The following GAK variants were observed in gnomAD, a reference collection of about 807,000 sequenced individuals.
The protein encoded by GAK is cyclin-G-associated kinase.
A neutral mutation model predicts 143.9 loss-of-function variants in GAK; 79 were observed. The observed-to-expected ratio is 0.55, with a 90% CI of 0.46 to 0.66. GAK has a LOEUF of 0.66. Ranked by LOEUF, GAK falls within the 30% of genes least tolerant of loss-of-function variation. The pLI is 0.00. For synonymous variants in GAK, 881 were observed against 765.5 expected (o/e 1.15, Z -2.49); for missense variants, 1,693 against 1,779.7 (o/e 0.95, Z 0.88).
Position 911,800 on chromosome 4 carries a change from T to C in GAK, c.268-13A>G. 6.3e-7 allele frequency: 1 copy of C among 1,599,504 alleles called. No homozygotes were observed. The highest frequency in any genetic ancestry group is 8.6e-7 in the Non-Finnish European group (1 of 1,166,840). On this transcript the variant is annotated splice_polypyrimidine_tract_variant and intron_variant, in intron 3 of 27. Coordinates refer to ENST00000314167, the MANE Select transcript of GAK (RefSeq NM_005255.4). ...CGGAAAGCTTTTTCTGCAGTTGTCT[T>C]GTTAAAGGAGAACGTACATAACCAT...
chr4:893,254 C>G, intron 9 of GAK, 123 bp downstream of exon 9: 1 of 641,182 alleles, frequency 1.6e-6, no homozygotes. Flanking sequence ...CGTGTGCCTC[C>G]CTCCCTTCTG....
chr4:922,403 TACTCAGGAA>T (rs923985339), intron 1 of GAK, among the ~76,000 whole-genome samples: 6 of 150,284 alleles, frequency 4.0e-5, no homozygotes, highest in Non-Finnish European at 8.8e-5. Flanking sequence ...TAGTCCCAGC[TACTCAGGAA>T]ACTGAGGCAA....
chr4:885,526 G>A (rs972501193), intron 11 of GAK, among the ~76,000 whole-genome samples: 1 of 152,176 alleles, frequency 6.6e-6, no homozygotes, highest in Admixed American at 6.5e-5. Flanking sequence ...GCCCTGCGGG[G>A]GCCCCATGGA....
chr4:898,735 C>T (rs1218954315), intron 5 of GAK, among the ~76,000 whole-genome samples: 2 of 152,050 alleles, frequency 1.3e-5, no homozygotes, highest in Admixed American at 6.6e-5. Context: ...TGGTGGCGGG[C>T]GCCTGTAGTC....
At chr4:908,886 G>GT (rs1047188899) in intron 4 of GAK, among the ~76,000 whole-genome samples, 2 of 151,922 alleles carry the variant, frequency 1.3e-5, no homozygotes, top group East Asian at 1.9e-4. Flanking sequence ...GTTGTTGTTG[G>GT]TTTTTTTTGA....
intron 24 of GAK, chr4:853,278 A>G (rs1359319675): frequency 6.6e-6 from 1 of 152,298 alleles, no homozygotes; most frequent in Non-Finnish European, 1.5e-5. Flanking sequence ...GTTCACCTGT[A>G]GGACACCTGG....
chr4:853,232 G>A (rs1317940901), intron 24 of GAK: 1 of 152,320 alleles, frequency 6.6e-6, no homozygotes, highest in Non-Finnish European at 1.5e-5. Context: ...TCCCTGCCAA[G>A]GGCCATCTCG....
chr4:859,442 C>A, intron 24 of GAK, 164 bp downstream of exon 24: 1 of 1,585,872 alleles, frequency 6.3e-7, no homozygotes, highest in Middle Eastern at 1.7e-4. Flanking sequence ...TCGCCTGGAA[C>A]AGGTGCAGAC....
intron 7 of GAK, among the ~76,000 whole-genome samples, chr4:895,216 T>G (rs770244601): frequency 5.9e-5 from 9 of 152,170 alleles, no homozygotes; most frequent in Non-Finnish European, 8.8e-5. Flanking sequence ...GGAAGCAGCC[T>G]CCTCAGTCTG....
chr4:897,423 A>G (rs1719011246), intron 6 of GAK, among the ~76,000 whole-genome samples: 1 of 152,180 alleles, frequency 6.6e-6, no homozygotes, highest in Non-Finnish European at 1.5e-5. Context: ...ACACAAGAGC[A>G]AGAAGGCCCA....
At chr4:903,810 G>C (rs1052842487) in intron 5 of GAK, among the ~76,000 whole-genome samples, 1 of 152,102 alleles carries the variant, frequency 6.6e-6, no homozygotes, top group African/African-American at 2.4e-5. Flanking sequence ...GGAAACTGGA[G>C]TGAGCAAGCA....
intron 6 of GAK, 82 bp from the exon 7 acceptor site, chr4:896,631 T>C (rs1718824385): frequency 3.7e-6 from 4 of 1,080,256 alleles, no homozygotes; most frequent in Non-Finnish European, 5.6e-6. Flanking sequence ...CGTGCAGCTT[T>C]CCAAATGCAC....
At chr4:861,935 T>C (rs1750350836) in intron 23 of GAK, among the ~76,000 whole-genome samples, 2 of 152,216 alleles carry the variant, frequency 1.3e-5, no homozygotes, top group African/African-American at 4.8e-5. Context: ...AGAAGAAAAG[T>C]GAAGCCAGCA....
chr4:897,778 G>A (rs1043480872), intron 6 of GAK, among the ~76,000 whole-genome samples: 1 of 152,162 alleles, frequency 6.6e-6, no homozygotes, highest in Admixed American at 6.5e-5. Flanking sequence ...GTGAAACCCC[G>A]TCCCTACCAA....
chr4:854,079 T>A (rs1748695912), intron 24 of GAK, among the ~76,000 whole-genome samples: 1 of 151,894 alleles, frequency 6.6e-6, no homozygotes, highest in Non-Finnish European at 1.5e-5. Context: ...ATTACAGGCA[T>A]GAGCCACCAT....
intron 1 of GAK, among the ~76,000 whole-genome samples, chr4:924,570 G>A (rs899385): frequency 0.049 from 7,504 of 152,272 alleles, 294 homozygotes; most frequent in Non-Finnish European, 0.078. Context: ...CAGCGGACAC[G>A]GTTTGGATCT....
At position 932,047 on chromosome 4, in the gene GAK, G is replaced by A. The variant is rs1725965277; in HGVS notation, c.141C>T (p.Ala47=). The A allele has an allele frequency of 6.3e-7, 1 of 1,584,640 alleles. No homozygotes were observed. Among genetic ancestry groups the A allele is most frequent in the Non-Finnish European group, 8.6e-7 (1 of 1,166,916 alleles). Residue 47 remains alanine, a synonymous_variant, in exon 1 of 28, where the codon GCC becomes GCT. Coordinates refer to ENST00000314167, the MANE Select transcript of GAK (RefSeq NM_005255.4). The surrounding 1 kb of genome is among the most constrained non-coding windows in gnomAD (Gnocchi z 4.0). ...ELRLRVRRVL[A]EGGFAFVYEA... ...GCTGCCGACCCGGGGCCTCACCTTCGGCCAGGACCCGCCGCACCCGCAGCC... is the reference window on the plus strand; with the variant it reads ...GCTGCCGACCCGGGGCCTCACCTTCAGCCAGGACCCGCCGCACCCGCAGCC...
chr4:904,435 G>C (rs978474603), intron 5 of GAK, among the ~76,000 whole-genome samples: 2 of 150,128 alleles, frequency 1.3e-5, no homozygotes, highest in Non-Finnish European at 3.0e-5. Flanking sequence ...GCTCCTAACC[G>C]AGCGGGACCC....
At chr4:913,931 A>G (rs1208796221) in intron 1 of GAK, 1 of 276,516 alleles carries the variant, frequency 3.6e-6, no homozygotes, top group African/African-American at 4.5e-5. Context: ...ACACAGCCCC[A>G]GCGTGCACGG....
Sources: gnomAD v4.1 joint callset for allele counts (sites outside exome capture counted in the v4.1 genomes callset) on GRCh38, gnomAD v4.1.1 for gene constraint, Gnocchi (gnomAD v3.1) non-coding constraint, MANE v1.5 for transcripts, NCBI Gene and HGNC (gene_info 2026-07-23, HGNC 2026-07-21) for gene names.